FUT9: variants seen among roughly 807,000 people sequenced by gnomAD.
The protein encoded by FUT9 is fucosyltransferase 9, also known as 4-galactosyl-N-acetylglucosaminide 3-alpha-L-fucosyltransferase 9.
In FUT9, 15 loss-of-function variants were observed where a neutral mutation model predicts 29.7. The ratio of observed to expected loss-of-function variants is 0.51; its 90% CI spans 0.34 to 0.78. The LOEUF is 0.78. Ranked by LOEUF, FUT9 falls within the 30% of genes least tolerant of loss-of-function variation. The pLI is 0.01. For missense variants in FUT9, 319 were observed against 425.4 expected, an observed-to-expected ratio of 0.75 and a Z score of 2.20; for synonymous variants, 169 against 153.7, an observed-to-expected ratio of 1.10 and a Z score of -0.74.
At chr6:96,097,516 A>G (rs10499002) in intron 1 of FUT9, among the ~76,000 whole-genome samples, 21,222 of 152,146 alleles carry the variant, frequency 0.14, 1,711 homozygotes, top group Non-Finnish European at 0.16. Flanking sequence ...TTCATGAGTA[A>G]AATGTATGAG....
intron 1 of FUT9, among the ~76,000 whole-genome samples, chr6:96,027,048 G>A (rs1279559653): frequency 1.3e-5 from 2 of 151,528 alleles, no homozygotes; most frequent in Non-Finnish European, 3.0e-5. Context: ...AAGATGTATA[G>A]CTGAAATAAT....
At chr6:96,171,025 A>C (rs1773103507) in intron 2 of FUT9, among the ~76,000 whole-genome samples, 1 of 152,190 alleles carries the variant, frequency 6.6e-6, no homozygotes, top group South Asian at 2.1e-4. Flanking sequence ...GTCTGAGACA[A>C]AGACTTGATT....
chr6:96,034,857 C>A (rs1054578482), intron 1 of FUT9, among the ~76,000 whole-genome samples: 1 of 151,634 alleles, frequency 6.6e-6, no homozygotes, highest in Non-Finnish European at 1.5e-5. Flanking sequence ...TGTTTTTCAA[C>A]TTTTAACTTT....
At chr6:96,138,341 C>T (rs527872438) in intron 2 of FUT9, among the ~76,000 whole-genome samples, 1 of 152,232 alleles carries the variant, frequency 6.6e-6, no homozygotes, top group Admixed American at 6.5e-5. Flanking sequence ...TTTACTCTTT[C>T]TTTTATGCAC....
At chr6:96,178,588 A>G (rs1195602079) in intron 2 of FUT9, among the ~76,000 whole-genome samples, 4 of 152,166 alleles carry the variant, frequency 2.6e-5, no homozygotes, top group African/African-American at 7.2e-5. Context: ...TTTAGTCAAC[A>G]TAAGACTTGA....
chr6:96,063,282 G>A (rs1167998590), intron 1 of FUT9, among the ~76,000 whole-genome samples: 1 of 152,116 alleles, frequency 6.6e-6, no homozygotes, highest in Non-Finnish European at 1.5e-5. Context: ...ATTGGCTCAC[G>A]GTTCTGTATG....
intron 2 of FUT9, among the ~76,000 whole-genome samples, chr6:96,128,172 A>G (rs4461739): frequency 0.89 from 135,008 of 152,078 alleles, 61,222 homozygotes; most frequent in East Asian, 0.99. Flanking sequence ...CAGTATAACA[A>G]AAAAAGATAC....
chr6:96,057,702 C>T (rs1223278398), intron 1 of FUT9, among the ~76,000 whole-genome samples: 2 of 152,102 alleles, frequency 1.3e-5, no homozygotes, highest in Non-Finnish European at 2.9e-5. Flanking sequence ...GAGCACAGAA[C>T]GAAGAGCAAT....
At chr6:96,019,392 C>A (rs1034686186) in intron 1 of FUT9, among the ~76,000 whole-genome samples, 1 of 151,716 alleles carries the variant, frequency 6.6e-6, no homozygotes, top group Non-Finnish European at 1.5e-5. Context: ...TAAGTATTTG[C>A]ATTTTTATTT....
At chr6:96,025,806 C>T (rs1323642218) in intron 1 of FUT9, among the ~76,000 whole-genome samples, 2 of 151,654 alleles carry the variant, frequency 1.3e-5, no homozygotes, top group Non-Finnish European at 3.0e-5. Flanking sequence ...TTTTTCTCTG[C>T]TCACAACTTA....
At chr6:96,156,475 G>A (rs1219467251) in intron 2 of FUT9, among the ~76,000 whole-genome samples, 1 of 152,116 alleles carries the variant, frequency 6.6e-6, no homozygotes, top group Non-Finnish European at 1.5e-5. Context: ...CCTGAAAGCA[G>A]GTTGCCAGTT....
chr6:96,212,142 G>A lies in FUT9; in HGVS notation c.*7907G>A, dbSNP rs1773949339. 2.4e-6 allele frequency: 1 copy of A among 412,368 alleles called. No homozygotes were observed. The highest frequency in any genetic ancestry group is 2.1e-5 in the African/African-American group (1 of 48,558). The allele number at this position is 412,368 out of a possible 1,614,324, so 25.5% of individuals were successfully genotyped here. ...TCCAAAGGCTAAATTAACAACCCAG[G>A]ACTACCACTCATTATGTGAGAAATA... On this transcript the variant is annotated 3_prime_UTR_variant, in exon 3 of 3. Coordinates refer to ENST00000302103, the MANE Select transcript of FUT9 (RefSeq NM_006581.4).
At chr6:96,092,680 C>T (rs927067525) in intron 1 of FUT9, among the ~76,000 whole-genome samples, 8 of 152,268 alleles carry the variant, frequency 5.3e-5, no homozygotes, top group African/African-American at 1.9e-4. Flanking sequence ...TATTCTTCCT[C>T]TTAAATAACT....
chr6:96,192,760 A>G (rs1284560389), intron 2 of FUT9, among the ~76,000 whole-genome samples: 1 of 152,110 alleles, frequency 6.6e-6, no homozygotes, highest in Non-Finnish European at 1.5e-5. Context: ...TCCTAAGCCA[A>G]AAGAACAAAG....
intron 2 of FUT9, among the ~76,000 whole-genome samples, chr6:96,133,995 T>C (rs1772300100): frequency 6.6e-6 from 1 of 151,868 alleles, no homozygotes; most frequent in South Asian, 2.1e-4. Flanking sequence ...CCTTAAGTAC[T>C]TCTTTTTTTG....
At chr6:96,200,593 T>G (rs1773710853) in intron 2 of FUT9, among the ~76,000 whole-genome samples, 1 of 152,196 alleles carries the variant, frequency 6.6e-6, no homozygotes, top group African/African-American at 2.4e-5. Flanking sequence ...ATAACCTGAT[T>G]ATATTGAACT....
chr6:96,035,642 T>C (rs1770339527), intron 1 of FUT9, among the ~76,000 whole-genome samples: 1 of 127,366 alleles, frequency 7.9e-6, no homozygotes, highest in Non-Finnish European at 1.7e-5. Flanking sequence ...TAAAATATTA[T>C]ATTTATTATA....
intron 1 of FUT9, among the ~76,000 whole-genome samples, chr6:96,055,268 T>A (rs977396691): frequency 2.0e-5 from 3 of 152,208 alleles, no homozygotes; most frequent in African/African-American, 7.2e-5. Flanking sequence ...ATAATTTTGA[T>A]GTGCAGCATC....
chr6:96,194,822 T>G (rs747814947), intron 2 of FUT9, among the ~76,000 whole-genome samples: 5 of 152,056 alleles, frequency 3.3e-5, no homozygotes, highest in Non-Finnish European at 5.9e-5. Context: ...CTGGAAAGCT[T>G]GTTCTGAAAA....
Sources: gnomAD v4.1 joint callset for allele counts (sites outside exome capture counted in the v4.1 genomes callset) on GRCh38, gnomAD v4.1.1 for gene constraint, MANE v1.5 for transcripts, NCBI Gene and HGNC (gene_info 2026-07-23, HGNC 2026-07-21) for gene names.